EDNRB: variants seen among roughly 807,000 people sequenced by gnomAD.
The protein encoded by EDNRB is endothelin receptor type B, also known as Hirschsprung disease 2.
Under a neutral mutation model 46.4 loss-of-function variants are expected in EDNRB, and 18 were observed. The ratio of observed to expected loss-of-function variants is 0.39; its 90% confidence interval spans 0.27 to 0.57. The LOEUF (loss-of-function observed/expected upper bound fraction) is 0.57, where lower values mean the gene tolerates loss of function less well. Among genes scored for constraint, EDNRB ranks in the 20% least tolerant of loss-of-function variants. EDNRB has a pLI of 0.61. For missense variants in EDNRB, 434 were observed against 537.5 expected (o/e 0.81, Z 1.90); for synonymous variants, 213 against 204.9 (o/e 1.04, Z -0.34).
chr13:77,918,715 C>A lies in EDNRB; in HGVS notation c.-142G>T. 7.4e-7 allele frequency: 1 copy of A among 1,353,084 alleles called. No individual in the cohort carries two copies. Among genetic ancestry groups the A allele is most frequent in the South Asian group, 2.1e-5 (1 of 48,674 alleles). 83.8% of individuals were successfully genotyped at this position (1,353,084 alleles called of 1,614,324 possible). A position where few individuals can be genotyped will look rare whatever the true frequency, so the allele number is the denominator to read the frequency against. On this transcript the variant is annotated 5_prime_UTR_variant, in exon 1 of 7. Coordinates refer to ENST00000646607, the MANE Select transcript of EDNRB (RefSeq NM_001122659.3). This position sits in a 1 kb window ranked among gnomAD's most constrained non-coding sequence, Gnocchi z 4.5. The stretch of plus-strand genomic sequence containing the variant: ...ACGCTAATACCGCCCGCAGCCTCTT[C>A]GCCAGTATCCACGCTCAAAAGTAAC...
chr13:77,957,621 G>A (rs902329152), intron 1 of EDNRB, among the ~76,000 whole-genome samples: 1 of 152,140 alleles, frequency 6.6e-6, no homozygotes, highest in Non-Finnish European at 1.5e-5. Context: ...TGCTTACAAG[G>A]TTGTCAGAAA....
At chr13:77,914,298 C>T (rs1879709675) in intron 1 of EDNRB, among the ~76,000 whole-genome samples, 2 of 152,328 alleles carry the variant, frequency 1.3e-5, no homozygotes, top group African/African-American at 2.4e-5. Context: ...AACGCACATA[C>T]ACACACATAC....
chr13:77,913,748 A>G (rs184639069), intron 1 of EDNRB, among the ~76,000 whole-genome samples: 1 of 152,228 alleles, frequency 6.6e-6, no homozygotes, highest in Admixed American at 6.5e-5. Flanking sequence ...AACAACATAA[A>G]CACATTGATA....
chr13:77,917,173 A>G (rs1879851402), intron 1 of EDNRB, among the ~76,000 whole-genome samples: 2 of 152,160 alleles, frequency 1.3e-5, no homozygotes, highest in African/African-American at 4.8e-5. Flanking sequence ...TATAGCTTGC[A>G]CTTTGGAACC....
upstream of EDNRB, among the ~76,000 whole-genome samples, chr13:77,924,254 T>G (rs1880167898): frequency 6.6e-6 from 1 of 152,234 alleles, no homozygotes; most frequent in Non-Finnish European, 1.5e-5. Flanking sequence ...TTGCTTCTTC[T>G]CTTTTGGGCC....
chr13:77,925,528 A>G (rs901884402), intron 1 of EDNRB, among the ~76,000 whole-genome samples: 1 of 152,222 alleles, frequency 6.6e-6, no homozygotes, highest in African/African-American at 2.4e-5. Flanking sequence ...TGGAAGCCCT[A>G]AGCCTTGGCA....
intron 1 of EDNRB, among the ~76,000 whole-genome samples, chr13:77,931,744 CAAAA>C (rs67176737): frequency 1.2e-5 from 1 of 83,450 alleles, no homozygotes; most frequent in Non-Finnish European, 2.3e-5. Context: ...ACTGTAGTAG[CAAAA>C]AAAAAAAAAA....
chr13:77,951,760 AAGTGTCCGTGCCT>A (rs1321363176), intron 1 of EDNRB, among the ~76,000 whole-genome samples: 1 of 152,032 alleles, frequency 6.6e-6, no homozygotes, highest in Non-Finnish European at 1.5e-5. Flanking sequence ...AAGGTCTGTC[AAGTGTCCGTGCCT>A]TTTATTGAGA....
In EDNRB at chr13:77,960,747, T is replaced by C. The variant is rs1881383293; in HGVS notation, c.-52+14600A>G. ...CAGTTAAAAGACACAGACTGGCAAA[T>C]TCAATAAAGAGTCAAGAACCATCAG... On this transcript the variant is annotated intron_variant, in intron 1 of 7. Transcript: ENST00000646948. Among the ~76,000 whole-genome samples, 5 of 151,330 alleles carry C rather than the reference T, an allele frequency of 3.3e-5. No individual in the cohort carries two copies. In the South Asian group the frequency reaches 1.0e-3, roughly 32 times the overall value.
chr13:77,965,412 G>T (rs901592574), intron 1 of EDNRB, among the ~76,000 whole-genome samples: 17 of 152,264 alleles, frequency 1.1e-4, no homozygotes, highest in African/African-American at 4.1e-4. Context: ...TGCCATTTTG[G>T]TATAGGCAGA....
upstream of EDNRB, chr13:77,919,720 G>T: frequency 8.9e-7 from 1 of 1,118,128 alleles, no homozygotes; most frequent in Non-Finnish European, 1.3e-6. Flanking sequence ...GTAGTTGCCC[G>T]AGGGAGGGGG....
upstream of EDNRB, chr13:77,919,653 C>A: frequency 6.5e-7 from 1 of 1,547,548 alleles, no homozygotes; most frequent in Non-Finnish European, 8.8e-7. Context: ...ACTCCTCCCG[C>A]GCCTTCCGAC....
intron 1 of EDNRB, among the ~76,000 whole-genome samples, chr13:77,952,128 G>A (rs1293083693): frequency 6.6e-6 from 1 of 152,098 alleles, no homozygotes; most frequent in Non-Finnish European, 1.5e-5. Flanking sequence ...AATTTAGGGA[G>A]CGCAAAGTAA....
chr13:77,957,781 A>G lies in EDNRB; in HGVS notation c.-52+17566T>C, dbSNP rs12720127. The stretch of plus-strand genomic sequence containing the variant: ...TATGATATATTTTGTGAAGGAAACC[A>G]TATATATTTCACAGCATTCACGACT... On this transcript the variant is annotated intron_variant, in intron 1 of 7. Coordinates refer to the EDNRB transcript ENST00000646948. Among the ~76,000 whole-genome samples, 15 of 152,344 alleles carry G rather than the reference A, an allele frequency of 9.8e-5. No homozygotes were observed. The East Asian group carries it at 1.9e-3, about 20-fold the overall frequency.
intron 1 of EDNRB, among the ~76,000 whole-genome samples, chr13:77,947,337 T>C (rs886130825): frequency 6.6e-6 from 1 of 151,590 alleles, no homozygotes; most frequent in Non-Finnish European, 1.5e-5. Context: ...GGTTTTGCCA[T>C]GTTGGGCAGG....
intron 1 of EDNRB, among the ~76,000 whole-genome samples, chr13:77,951,415 G>T (rs1401644632): frequency 6.6e-6 from 1 of 152,122 alleles, no homozygotes; most frequent in Non-Finnish European, 1.5e-5. Context: ...GGCTGTAGCT[G>T]TTAAATATCA....
chr13:77,970,968 GT>G (rs1881711635), intron 1 of EDNRB, among the ~76,000 whole-genome samples: 1 of 152,166 alleles, frequency 6.6e-6, no homozygotes, highest in Non-Finnish European at 1.5e-5. Flanking sequence ...TGCTTTGGCT[GT>G]GTGTGGACCA....
At chr13:77,946,726 T>A (rs1464634144) in intron 1 of EDNRB, among the ~76,000 whole-genome samples, 1 of 133,584 alleles carries the variant, frequency 7.5e-6, no homozygotes, top group Non-Finnish European at 1.7e-5. Context: ...AACAGTGTTT[T>A]TATTTCCCCA....
chr13:77,899,873 T>G lies in EDNRB; in HGVS notation c.1180A>C (p.Lys394Gln). ...TAGTCTCTTACCTTAAAGCAGTTTT[T>G]GAATCTTTTGCTCACCAAATACAGA... ...IALYLVSKRF[K>Q]NCFKSCLCCW... The change falls in exon 6 of 7, where the codon AAA becomes CAA. Residue 394 changes from lysine (K) to glutamine (Q), a missense_variant. By Grantham distance (53) the Lys-to-Gln change is moderately conservative. Coordinates refer to ENST00000646607, the MANE Select transcript of EDNRB (RefSeq NM_001122659.3). The G allele has an allele frequency of 6.2e-7, 1 of 1,611,626 alleles. No homozygotes were observed. The highest frequency in any genetic ancestry group is 8.5e-7 in the Non-Finnish European group (1 of 1,178,534).
Sources: gnomAD v4.1 joint callset for allele counts (sites outside exome capture counted in the v4.1 genomes callset) on GRCh38, gnomAD v4.1.1 for gene constraint, Gnocchi (gnomAD v3.1) non-coding constraint, MANE v1.5 for transcripts, NCBI Gene and HGNC (gene_info 2026-07-23, HGNC 2026-07-21) for gene names.